Variants in TMEM132D observed in about 807,000 individuals in gnomAD.
The protein encoded by TMEM132D is transmembrane protein 132D, also known as mature OL transmembrane protein.
TMEM132D carries 21 observed loss-of-function variants against 62.3 expected under a neutral mutation model. The ratio of observed to expected loss-of-function variants is 0.34; its 90% confidence interval spans 0.24 to 0.49. The LOEUF (loss-of-function observed/expected upper bound fraction) is 0.49. Among genes scored for constraint, TMEM132D ranks in the 20% least tolerant of loss-of-function variants. The pLI, the probability that TMEM132D is intolerant of heterozygous loss-of-function variation, is 0.99. For missense variants in TMEM132D, 1,346 were observed against 1,402.8 expected (o/e 0.96, Z 0.65); for synonymous variants, 621 against 575.6 (o/e 1.08, Z -1.13).
intron 1 of TMEM132D, among the ~76,000 whole-genome samples, chr12:129,815,974 C>G (rs571933284): frequency 6.9e-6 from 1 of 144,236 alleles, no homozygotes; most frequent in Non-Finnish European, 1.5e-5. Context: ...AGATGACTGA[C>G]GGCCTGTGGT....
chr12:129,362,713 C>T (rs987187464), intron 3 of TMEM132D, among the ~76,000 whole-genome samples: 4 of 151,956 alleles, frequency 2.6e-5, no homozygotes, highest in African/African-American at 9.7e-5. Context: ...TCTGGGATGC[C>T]TTAAACTCTT....
At chr12:129,804,443 A>G (rs1340805620) in intron 1 of TMEM132D, among the ~76,000 whole-genome samples, 3 of 145,338 alleles carry the variant, frequency 2.1e-5, no homozygotes, top group South Asian at 4.5e-4. Flanking sequence ...CAAAAACCAC[A>G]TGATTATCTC....
intron 1 of TMEM132D, among the ~76,000 whole-genome samples, chr12:129,773,206 G>T (rs544877105): frequency 2.0e-5 from 3 of 152,186 alleles, no homozygotes; most frequent in Non-Finnish European, 4.4e-5. Flanking sequence ...ACTTAATTAC[G>T]CATTCGACAT....
intron 4 of TMEM132D, among the ~76,000 whole-genome samples, chr12:129,288,629 T>C (rs1881367189): frequency 6.6e-6 from 1 of 152,156 alleles, no homozygotes; most frequent in Admixed American, 6.5e-5. Context: ...TGTGGAGAAA[T>C]TTGATCCCTT....
intron 2 of TMEM132D, among the ~76,000 whole-genome samples, chr12:129,535,770 T>TTGTGCG (rs1555263419): frequency 8.1e-6 from 1 of 122,882 alleles, no homozygotes; most frequent in East Asian, 2.4e-4. Context: ...CATTTAAGAT[T>TTGTGCG]TGTGTGCGTG....
chr12:129,566,521 T>C (rs200538020), intron 2 of TMEM132D, among the ~76,000 whole-genome samples: 3 of 152,200 alleles, frequency 2.0e-5, no homozygotes, highest in African/African-American at 7.2e-5. Context: ...AAATAGAGAC[T>C]GTAAGACTGA....
chr12:129,555,193 A>G (rs1877021018), intron 2 of TMEM132D, among the ~76,000 whole-genome samples: 1 of 152,266 alleles, frequency 6.6e-6, no homozygotes, highest in South Asian at 2.1e-4. Flanking sequence ...CCTTTTTATT[A>G]GTACTCAACA....
intron 2 of TMEM132D, among the ~76,000 whole-genome samples, chr12:129,615,031 CAAT>C (rs1390478678): frequency 7.2e-5 from 11 of 152,236 alleles, no homozygotes; most frequent in Non-Finnish European, 1.3e-4. Context: ...GATTCAATGA[CAAT>C]AAGCTCCCCT....
In TMEM132D at chr12:129,717,832, C is replaced by T. The variant is rs186370120; in HGVS notation, c.80-17134G>A. ...TAGCAATGCCATCTCTTGTGGCCCT[C>T]GCAGGGCTGTCATGTACGGTTGTTC... On this transcript the variant is annotated intron_variant, in intron 1 of 8. Transcript: ENST00000422113. Among the ~76,000 whole-genome samples, 478 of 152,198 alleles carry T rather than the reference C, an allele frequency of 3.1e-3. 1 individual carries two copies. Among genetic ancestry groups the T allele is most frequent in the African/African-American group, 0.011 (455 of 41,526 alleles).
chr12:129,642,692 A>G (rs1004470430), intron 2 of TMEM132D, among the ~76,000 whole-genome samples: 2 of 152,180 alleles, frequency 1.3e-5, no homozygotes, highest in Admixed American at 1.3e-4. Flanking sequence ...TAGCTATTCA[A>G]ATAAACCCTT....
chr12:129,863,162 G>T (rs74817987), intron 1 of TMEM132D, among the ~76,000 whole-genome samples: 2,059 of 152,260 alleles, frequency 0.014, 40 homozygotes, highest in African/African-American at 0.046. Context: ...TTGGGCAAAA[G>T]TATAAATTAC....
intron 4 of TMEM132D, among the ~76,000 whole-genome samples, chr12:129,218,351 ATAGAG>A (rs1879266395): frequency 6.6e-6 from 1 of 152,244 alleles, no homozygotes; most frequent in South Asian, 2.1e-4. Context: ...TGTGAACATC[ATAGAG>A]TATATTCCAC....
intron 4 of TMEM132D, among the ~76,000 whole-genome samples, chr12:129,248,706 G>GCTCCACC (rs1345781330): frequency 6.6e-6 from 1 of 151,926 alleles, no homozygotes; most frequent in Non-Finnish European, 1.5e-5. Context: ...TTGCTCCCCC[G>GCTCCACC]CTCCACCCTC....
intron 2 of TMEM132D, among the ~76,000 whole-genome samples, chr12:129,692,215 A>G (rs1415772463): frequency 6.6e-6 from 1 of 152,212 alleles, no homozygotes; most frequent in Non-Finnish European, 1.5e-5. Context: ...CCAACAACAT[A>G]TAAAAAGAAT....
intron 1 of TMEM132D, among the ~76,000 whole-genome samples, chr12:129,875,129 AGAC>A (rs1445640117): frequency 2.6e-5 from 4 of 152,278 alleles, no homozygotes; most frequent in African/African-American, 9.6e-5. Flanking sequence ...TTTTGCACCA[AGAC>A]GACAATTGAG....
intron 2 of TMEM132D, among the ~76,000 whole-genome samples, chr12:129,556,475 T>C (rs936483676): frequency 7.9e-5 from 12 of 151,796 alleles, no homozygotes; most frequent in South Asian, 4.2e-4. Flanking sequence ...GCTTTTTTTT[T>C]TCCCCCAGAG....
intron 3 of TMEM132D, among the ~76,000 whole-genome samples, chr12:129,406,827 C>G (rs1477124071): frequency 6.6e-6 from 1 of 152,176 alleles, no homozygotes; most frequent in Non-Finnish European, 1.5e-5. Context: ...GCACGGCTAT[C>G]CTATAGCCTG....
intron 3 of TMEM132D, among the ~76,000 whole-genome samples, chr12:129,473,143 G>A (rs1352481822): frequency 6.6e-6 from 1 of 151,950 alleles, no homozygotes; most frequent in East Asian, 1.9e-4. Flanking sequence ...GATTACAGGC[G>A]TGAGCCACTG....
At chr12:129,258,463 C>T (rs1315704936) in intron 4 of TMEM132D, among the ~76,000 whole-genome samples, 1 of 152,152 alleles carries the variant, frequency 6.6e-6, no homozygotes, top group Non-Finnish European at 1.5e-5. Flanking sequence ...AAATAAATCA[C>T]TCATAATATA....
Sources: allele counts gnomAD v4.1 joint callset (sites outside exome capture counted in the v4.1 genomes callset), GRCh38; gene constraint gnomAD v4.1.1; transcripts MANE v1.5; gene names NCBI Gene and HGNC (gene_info 2026-07-23, HGNC 2026-07-21).